The following PCBP3 variants were observed in gnomAD, a reference collection of about 807,000 sequenced individuals.
PCBP3 encodes poly(rC)-binding protein 3.
PCBP3 carries 25 observed loss-of-function variants against 52.7 expected under a neutral mutation model. The observed-to-expected ratio is 0.47, with a 90% CI of 0.35 to 0.66. The LOEUF is 0.66. Among genes scored for constraint, PCBP3 ranks in the 30% least tolerant of loss-of-function variants. PCBP3 has a pLI of 0.01. For synonymous variants in PCBP3, 162 were observed against 183.0 expected, an observed-to-expected ratio of 0.89 and a Z score of 0.93; for missense variants, 391 against 490.3, an observed-to-expected ratio of 0.80 and a Z score of 1.91.
intron 5 of PCBP3, among the ~76,000 whole-genome samples, chr21:45,888,266 T>C (rs887213313): frequency 6.6e-6 from 1 of 152,220 alleles, no homozygotes; most frequent in Non-Finnish European, 1.5e-5. Flanking sequence ...TGCTTACCTG[T>C]TTTTCTTCAA....
intron 1 of PCBP3, among the ~76,000 whole-genome samples, chr21:45,646,053 T>C (rs995395467): frequency 1.1e-4 from 8 of 71,540 alleles, no homozygotes; most frequent in Admixed American, 1.4e-4. Context: ...TGTCACCTGT[T>C]TCTCTCTCTC....
chr21:45,914,207 C>G, intron 12 of PCBP3, 182 bp downstream of exon 12: 1 of 973,874 alleles, frequency 1.0e-6, no homozygotes, highest in Non-Finnish European at 1.5e-6. Context: ...GCCTTCAGAG[C>G]GGCATTCCCC....
chr21:45,782,233 G>A (rs919455625), intron 4 of PCBP3, among the ~76,000 whole-genome samples: 5 of 152,128 alleles, frequency 3.3e-5, no homozygotes, highest in Non-Finnish European at 7.3e-5. Flanking sequence ...GAGATGATTT[G>A]TATAATTGCA....
At chr21:45,658,291 G>A (rs954022602) in intron 1 of PCBP3, among the ~76,000 whole-genome samples, 4 of 151,946 alleles carry the variant, frequency 2.6e-5, no homozygotes, top group South Asian at 2.1e-4. Context: ...TGGTGGATTC[G>A]GTTTTGCAAG....
intron 8 of PCBP3, 88 bp from the exon 9 acceptor site, chr21:45,900,909 G>A (rs967891806): frequency 3.5e-6 from 3 of 862,364 alleles, no homozygotes; most frequent in Non-Finnish European, 6.0e-6. Context: ...GCATGTGTTT[G>A]TGTCAATTGT....
chr21:45,774,310 G>A (rs1174171572), intron 4 of PCBP3, among the ~76,000 whole-genome samples: 2 of 151,760 alleles, frequency 1.3e-5, no homozygotes, highest in Non-Finnish European at 2.9e-5. Context: ...GGGAGGCTGA[G>A]GCAGGAGAGT....
intron 16 of PCBP3, among the ~76,000 whole-genome samples, chr21:45,939,097 C>A (rs1460577140): frequency 1.3e-5 from 2 of 152,246 alleles, no homozygotes; most frequent in African/African-American, 4.8e-5. Context: ...GACTCTGCCT[C>A]AGGGCCCTCG....
At chr21:45,810,148 T>C (rs1181722661) in intron 4 of PCBP3, among the ~76,000 whole-genome samples, 5 of 152,176 alleles carry the variant, frequency 3.3e-5, no homozygotes, top group Non-Finnish European at 5.9e-5. Context: ...AAATTACATA[T>C]TGCCAGATTT....
At chr21:45,891,365 G>A (rs2095658844) in intron 5 of PCBP3, among the ~76,000 whole-genome samples, 1 of 152,246 alleles carries the variant, frequency 6.6e-6, no homozygotes, top group Admixed American at 6.5e-5. Context: ...TTCACTGGTT[G>A]AGTGGAAGAG....
intron 5 of PCBP3, among the ~76,000 whole-genome samples, chr21:45,857,227 A>T (rs188296041): frequency 1.3e-5 from 2 of 152,238 alleles, no homozygotes; most frequent in African/African-American, 2.4e-5. Context: ...ATGGCAAAGA[A>T]ACATGTTTTG....
chr21:45,822,216 G>A (rs530542866), intron 4 of PCBP3, among the ~76,000 whole-genome samples: 2 of 152,280 alleles, frequency 1.3e-5, no homozygotes, highest in African/African-American at 4.8e-5. Context: ...ACAGGCACCG[G>A]CACCGTCATC....
intron 4 of PCBP3, among the ~76,000 whole-genome samples, chr21:45,768,059 G>C (rs944725403): frequency 6.6e-6 from 1 of 152,266 alleles, no homozygotes; most frequent in Non-Finnish European, 1.5e-5. Context: ...TTGCTGCCAC[G>C]ATGCACCAGC....
intron 4 of PCBP3, chr21:45,836,508 T>A (rs371338899): frequency 6.6e-6 from 1 of 151,246 alleles, no homozygotes; most frequent in East Asian, 1.9e-4. Flanking sequence ...TGGGATCACG[T>A]GTGCCGGCTC....
intron 5 of PCBP3, among the ~76,000 whole-genome samples, chr21:45,857,382 G>A (rs2094341359): frequency 6.6e-6 from 1 of 152,070 alleles, no homozygotes; most frequent in South Asian, 2.1e-4. Context: ...AGGAATATAG[G>A]CAAGAAAAAA....
At chr21:45,879,199 G>T (rs1013956229) in intron 5 of PCBP3, among the ~76,000 whole-genome samples, 8 of 152,082 alleles carry the variant, frequency 5.3e-5, no homozygotes, top group Admixed American at 6.6e-5. Flanking sequence ...TGCCCGGGCT[G>T]GTCCTAAACT....
chr21:45,911,474 G>A (rs117987667), intron 11 of PCBP3, among the ~76,000 whole-genome samples: 1,719 of 152,296 alleles, frequency 0.011, 26 homozygotes, highest in Admixed American at 0.037. Context: ...TCAAACCACC[G>A]TGGAGGAACA....
chr21:45,899,006 T>C (rs2095945125), intron 6 of PCBP3, among the ~76,000 whole-genome samples: 1 of 151,762 alleles, frequency 6.6e-6, no homozygotes, highest in Non-Finnish European at 1.5e-5. Flanking sequence ...CTGGCCCCGC[T>C]TCAGGTGACA....
chr21:45,866,838 G>T (rs2148542091), intron 5 of PCBP3, among the ~76,000 whole-genome samples: 1 of 152,058 alleles, frequency 6.6e-6, no homozygotes, highest in South Asian at 2.1e-4. Flanking sequence ...CCGTCTGCAT[G>T]TGCACCGTCA....
intron 13 of PCBP3, among the ~76,000 whole-genome samples, chr21:45,924,280 C>A (rs866629679): frequency 1.6e-5 from 2 of 122,608 alleles, no homozygotes; most frequent in African/African-American, 2.9e-5. Context: ...ATCGGGTGTG[C>A]GTGAGGAGAT....
Sources: gnomAD v4.1 joint callset for allele counts (sites outside exome capture counted in the v4.1 genomes callset) on GRCh38, gnomAD v4.1.1 for gene constraint, MANE v1.5 for transcripts, NCBI Gene and HGNC (gene_info 2026-07-23, HGNC 2026-07-21) for gene names.